The following CAMTA1 variants were observed in gnomAD, a reference collection of about 807,000 sequenced individuals.
CAMTA1 encodes calmodulin-binding transcription activator 1.
CAMTA1 carries 27 observed loss-of-function variants against 170.9 expected under a neutral mutation model. The observed-to-expected ratio is 0.16, with a 90% CI of 0.12 to 0.22. CAMTA1 has a LOEUF of 0.22. Among genes scored for constraint, CAMTA1 ranks in the 10% least tolerant of loss-of-function variants. CAMTA1 has a pLI of 1.00. For synonymous variants in CAMTA1, 833 were observed against 891.5 expected (o/e 0.93, Z 1.17); for missense variants, 1,619 against 2,217.2 (o/e 0.73, Z 5.42).
chr1:7,276,395 C>T lies in CAMTA1; in HGVS notation c.438+26769C>T, dbSNP rs186740069. On this transcript the variant is annotated intron_variant, in intron 5 of 22. Transcript: ENST00000303635. ...TGTGACGTCGCCTCACTGCAACCTC[C>T]GCCTCCTGGGTTCAAGCAATTCTCC... Among the ~76,000 whole-genome samples the T allele has an allele frequency of 4.4e-3, 653 of 147,886 alleles. 11 individuals are homozygous for T. Among genetic ancestry groups the T allele is most frequent in the Admixed American group, 0.032 (469 of 14,824 alleles).
Position 7,744,977 on chromosome 1 carries a change from G to A in CAMTA1, c.4325G>A (p.Ser1442Asn). Residue 1442 changes from serine (S) to asparagine (N), a missense_variant, in exon 17 of 23, where the codon AGT (serine) becomes AAT (asparagine). Coordinates refer to ENST00000303635, the MANE Select transcript of CAMTA1 (RefSeq NM_015215.4). ...TISSTMSWLA[S>N]YLADADCLPS... is the part of the protein sequence containing the mutation. ...AGCAGTACAATGAGCTGGCTGGCCAGTTATCTAGCGGATGCTGACTGCCTT... is the reference window on the plus strand; with the variant it reads ...AGCAGTACAATGAGCTGGCTGGCCAATTATCTAGCGGATGCTGACTGCCTT... 1 of 1,614,146 alleles carries A rather than the reference G, an allele frequency of 6.2e-7. No individual in the cohort carries two copies. Among genetic ancestry groups the A allele is most frequent in the Non-Finnish European group, 8.5e-7 (1 of 1,180,002 alleles).
rs547797906 is a variant in CAMTA1, at chr1:7,392,913, G to T, written c.439-74917G>T. 2.4e-3 allele frequency among the ~76,000 whole-genome samples: 365 copies of T among 151,564 alleles called. 4 individuals are homozygous for T. The highest frequency in any genetic ancestry group is 8.3e-3 in the African/African-American group (342 of 41,286). ...TCAATCAATCTATAAGCTGAGTGTG[G>T]TGGTTAGTGCACACCTGTAGTCCCA... On this transcript the variant is annotated intron_variant, in intron 5 of 22. Transcript: ENST00000303635.
At chr1:7,154,721 C>T (rs1203613749) in intron 4 of CAMTA1, among the ~76,000 whole-genome samples, 8 of 152,312 alleles carry the variant, frequency 5.3e-5, no homozygotes, top group East Asian at 3.9e-4. Context: ...CACACCAGCC[C>T]GGAGGCTGGA....
chr1:7,532,222 G>A lies in CAMTA1; in HGVS notation c.510+64321G>A, dbSNP rs1267689265. 6.6e-6 allele frequency among the ~76,000 whole-genome samples: 1 copy of A among 152,192 alleles called. No individual in the cohort carries two copies. Among genetic ancestry groups the A allele is most frequent in the African/African-American group, 2.4e-5 (1 of 41,456 alleles). ...TGGCCTTCGGATTCTTGGTGGAGGG[G>A]ACATTCTTGCACACTAGTGCCCTCA... On this transcript the variant is annotated intron_variant, in intron 6 of 22. Coordinates refer to ENST00000303635, the MANE Select transcript of CAMTA1 (RefSeq NM_015215.4). This position sits in a 1 kb window ranked among gnomAD's most constrained non-coding sequence, Gnocchi z 4.2.
Position 7,668,168 on chromosome 1 carries a change from C to T in CAMTA1, c.2653-2743C>T, listed in dbSNP as rs576786360. 2.1e-3 allele frequency among the ~76,000 whole-genome samples: 320 copies of T among 152,310 alleles called. 1 individual carries two copies. Among genetic ancestry groups the T allele is most frequent in the Non-Finnish European group, 3.8e-3 (260 of 68,026 alleles). ...TCAGGGAGGGCTCTACAGGCAGGCT[C>T]GTCGGCCTGGGCCCTACTTCCCAGT... On this transcript the variant is annotated intron_variant, in intron 9 of 22. Coordinates refer to ENST00000303635, the MANE Select transcript of CAMTA1 (RefSeq NM_015215.4).
intron 22 of CAMTA1, among the ~76,000 whole-genome samples, chr1:7,763,450 C>T (rs888777858): frequency 3.3e-5 from 5 of 152,168 alleles, no homozygotes; most frequent in Non-Finnish European, 7.3e-5. Context: ...ATTTTTCCTG[C>T]GTAGACATTG....
intron 4 of CAMTA1, among the ~76,000 whole-genome samples, chr1:7,208,585 C>T (rs1000260751): frequency 2.0e-5 from 3 of 152,204 alleles, no homozygotes; most frequent in African/African-American, 4.8e-5. Context: ...AATGAGTCAA[C>T]ATGTGCACCT....
At chr1:7,411,011 G>A (rs1227953361) in intron 5 of CAMTA1, among the ~76,000 whole-genome samples, 1 of 152,082 alleles carries the variant, frequency 6.6e-6, no homozygotes, top group Non-Finnish European at 1.5e-5. Flanking sequence ...GTATGTCTGT[G>A]TGTGTGTGTG....
intron 6 of CAMTA1, among the ~76,000 whole-genome samples, chr1:7,498,431 G>A (rs769956940): frequency 7.9e-4 from 119 of 151,044 alleles, no homozygotes; most frequent in African/African-American, 2.3e-3. Context: ...GTGGATGTGC[G>A]TGTGTATGAG....
In CAMTA1 at chr1:7,286,884, C is replaced by A. The variant is rs192986129; in HGVS notation, c.438+37258C>A. On this transcript the variant is annotated intron_variant, in intron 5 of 22. Transcript: ENST00000303635. This position sits in a 1 kb window ranked among gnomAD's most constrained non-coding sequence, Gnocchi z 4.2. ...TGAGGACAGAGGTGCTCTGAGGACT[C>A]CAGATTGTTATGGAGAGTTTAGCTC... is the stretch of plus-strand genomic sequence containing the variant. Among the ~76,000 whole-genome samples, 174 of 152,258 alleles carry A rather than the reference C, an allele frequency of 1.1e-3. 1 individual carries two copies. The highest frequency in any genetic ancestry group is 1.9e-3 in the Non-Finnish European group (129 of 68,014).
At chr1:7,416,101 G>A (rs1372089622) in intron 5 of CAMTA1, among the ~76,000 whole-genome samples, 1 of 152,160 alleles carries the variant, frequency 6.6e-6, no homozygotes, top group Non-Finnish European at 1.5e-5. Context: ...ACTCTCTTCT[G>A]GCTTGTAGAG....
chr1:7,483,885 G>A (rs1054515264), intron 6 of CAMTA1, among the ~76,000 whole-genome samples: 3 of 152,048 alleles, frequency 2.0e-5, no homozygotes, highest in Non-Finnish European at 2.9e-5. Flanking sequence ...CCCGTGAGCA[G>A]CCTGAGCTCC....
At chr1:7,279,839 T>G (rs1275802413) in intron 5 of CAMTA1, among the ~76,000 whole-genome samples, 1 of 152,122 alleles carries the variant, frequency 6.6e-6, no homozygotes, top group African/African-American at 2.4e-5. Context: ...AGCTACAGCC[T>G]CAGGTTACTG....
chr1:7,370,059 A>G (rs1158709087), intron 5 of CAMTA1: 1 of 152,154 alleles, frequency 6.6e-6, no homozygotes, highest in Non-Finnish European at 1.5e-5. Flanking sequence ...TGCTTACATC[A>G]CGGCACTTCT....
chr1:7,765,976 G>A (rs1343173674), intron 22 of CAMTA1, among the ~76,000 whole-genome samples: 2 of 148,566 alleles, frequency 1.3e-5, no homozygotes, highest in Non-Finnish European at 3.0e-5. Context: ...GCAGTGAGCC[G>A]AGATGGTGCC....
At chr1:6,958,376 G>A (rs113589766) in intron 3 of CAMTA1, among the ~76,000 whole-genome samples, 3 of 152,278 alleles carry the variant, frequency 2.0e-5, no homozygotes, top group African/African-American at 7.2e-5. Context: ...CGTCTCATCC[G>A]CAGCCCCGGA....
chr1:7,305,189 ACTAT>A (rs1038327258), intron 5 of CAMTA1, among the ~76,000 whole-genome samples: 2 of 151,936 alleles, frequency 1.3e-5, no homozygotes, highest in African/African-American at 4.8e-5. Context: ...CTATTTTTGG[ACTAT>A]CTATTCTGTT....
Position 7,435,332 on chromosome 1 carries a change from C to T in CAMTA1, c.439-32498C>T, listed in dbSNP as rs2092311965. 6.6e-6 allele frequency among the ~76,000 whole-genome samples: 1 copy of T among 152,210 alleles called. No homozygotes were observed. The highest frequency in any genetic ancestry group is 1.5e-5 in the Non-Finnish European group (1 of 68,040). On this transcript the variant is annotated intron_variant, in intron 5 of 22. Transcript: ENST00000303635. This position sits in a 1 kb window ranked among gnomAD's most constrained non-coding sequence, Gnocchi z 4.4. ...ATTCTCACTGTCTCAGGCATGAACT[C>T]AGGCCAGAATCCCATCATTCTAAAG... is the stretch of plus-strand genomic sequence containing the variant.
intron 5 of CAMTA1, among the ~76,000 whole-genome samples, chr1:7,275,040 G>T (rs1670366260): frequency 6.6e-6 from 1 of 151,062 alleles, no homozygotes; most frequent in Non-Finnish European, 1.5e-5. Context: ...TACTTGTGAG[G>T]CTGAGACAGG....
Sources: gnomAD v4.1 joint callset for allele counts (sites outside exome capture counted in the v4.1 genomes callset) on GRCh38, gnomAD v4.1.1 for gene constraint, Gnocchi (gnomAD v3.1) non-coding constraint, MANE v1.5 for transcripts, NCBI Gene and HGNC (gene_info 2026-07-23, HGNC 2026-07-21) for gene names.